Variants in TNIK observed in about 807,000 individuals in gnomAD.
The protein encoded by TNIK is TRAF2 and NCK interacting kinase.
In TNIK, 49 loss-of-function variants were observed where a neutral mutation model predicts 191.3. The observed-to-expected ratio is 0.26, with a 90% CI of 0.20 to 0.32. The LOEUF is 0.32. Ranked by LOEUF, TNIK falls within the 10% of genes least tolerant of loss-of-function variation. TNIK has a pLI of 1.00. For synonymous variants in TNIK, 594 were observed against 600.9 expected (o/e 0.99, Z 0.17); for missense variants, 1,155 against 1,702.3 (o/e 0.68, Z 5.66).
intron 3 of TNIK, 42 bp downstream of exon 3, chr3:171,228,123 G>A (rs377734150): frequency 1.7e-5 from 28 of 1,604,732 alleles, no homozygotes; most frequent in Non-Finnish European, 2.1e-5. Flanking sequence ...AAGTCAAGGA[G>A]CATCTGCATG....
intron 9 of TNIK, among the ~76,000 whole-genome samples, chr3:171,168,783 T>C (rs1362573482): frequency 6.6e-6 from 1 of 152,190 alleles, no homozygotes; most frequent in Admixed American, 6.5e-5. Context: ...TTCTTCCCAC[T>C]GAAAATCATC....
At chr3:171,310,238 G>A (rs547556064) in intron 2 of TNIK, among the ~76,000 whole-genome samples, 3 of 151,982 alleles carry the variant, frequency 2.0e-5, no homozygotes, top group Admixed American at 6.6e-5. Context: ...GGACTTGTCT[G>A]GACTGCATCT....
chr3:171,130,117 G>T (rs146226842), intron 15 of TNIK, among the ~76,000 whole-genome samples: 157 of 152,266 alleles, frequency 1.0e-3, no homozygotes, highest in African/African-American at 3.6e-3. Flanking sequence ...TTATGTAGCA[G>T]CTAAAAGTCT....
rs146762983 is a variant in TNIK at position 171,114,081 on chromosome 3, T to A, written c.2121-3204A>T. On this transcript the variant is annotated intron_variant, in intron 18 of 32. Transcript: ENST00000436636. ...AATTTATAACTCATAGGCTTTTTTT[T>A]ATTTTATTTTTCTGTTAGATTTACA... Among the ~76,000 whole-genome samples the A allele has an allele frequency of 3.5e-3, 533 of 152,206 alleles. 6 individuals are homozygous for A. The highest frequency in any genetic ancestry group is 0.01 in the African/African-American group (424 of 41,546).
chr3:171,103,522 TTTG>T (rs1037593639), intron 21 of TNIK, among the ~76,000 whole-genome samples: 2 of 152,104 alleles, frequency 1.3e-5, no homozygotes, highest in Admixed American at 1.3e-4. Flanking sequence ...AGTCTAGATA[TTTG>T]TTAAGGCTAT....
At chr3:171,443,586 C>A (rs1434585526) in intron 1 of TNIK, among the ~76,000 whole-genome samples, 1 of 151,982 alleles carries the variant, frequency 6.6e-6, no homozygotes, top group African/African-American at 2.4e-5. Flanking sequence ...GTAATCCCAG[C>A]ACTTTTGGGA....
chr3:171,345,445 T>TC (rs1712006701), intron 2 of TNIK, among the ~76,000 whole-genome samples: 1 of 152,164 alleles, frequency 6.6e-6, no homozygotes. Context: ...TTTTTTTTTT[T>TC]TCTTTACTTT....
intron 2 of TNIK, among the ~76,000 whole-genome samples, chr3:171,332,803 A>G (rs1011660440): frequency 3.3e-5 from 5 of 152,238 alleles, no homozygotes; most frequent in Admixed American, 6.5e-5. Context: ...CTGAAGTGTT[A>G]TATTTGGCCG....
At chr3:171,092,095 G>A (rs933801511) in intron 23 of TNIK, among the ~76,000 whole-genome samples, 5 of 151,698 alleles carry the variant, frequency 3.3e-5, no homozygotes, top group South Asian at 2.1e-4. Context: ...GACTACAGGC[G>A]CCCGCCACGA....
Position 171,230,531 on chromosome 3 carries a change from T to G in TNIK, c.124-2310A>C, listed in dbSNP as rs1414922165. Among the ~76,000 whole-genome samples, 3 of 152,282 alleles carry G rather than the reference T, an allele frequency of 2.0e-5. No individual in the cohort carries two copies. The East Asian group carries it at 5.8e-4, about 29-fold the overall frequency. On this transcript the variant is annotated intron_variant, in intron 2 of 32. Transcript: ENST00000436636. The stretch of plus-strand genomic sequence containing the variant: ...TGACCCCCTTTCTGCCATACCACCT[T>G]GGTAGGCTCCCACTTGCTCTTACTC...
At chr3:171,176,416 T>C (rs1371129796) in intron 8 of TNIK, among the ~76,000 whole-genome samples, 1 of 152,188 alleles carries the variant, frequency 6.6e-6, no homozygotes, top group Non-Finnish European at 1.5e-5. Context: ...TCCTTTGAGA[T>C]GCAGACACCA....
At chr3:171,424,405 C>T (rs886962786) in intron 1 of TNIK, among the ~76,000 whole-genome samples, 1 of 152,150 alleles carries the variant, frequency 6.6e-6, no homozygotes, top group Admixed American at 6.5e-5. Context: ...CTAGTTCAAC[C>T]ATGGTGGAAG....
At chr3:171,195,997 G>A (rs1577089712) in intron 4 of TNIK, among the ~76,000 whole-genome samples, 1 of 152,212 alleles carries the variant, frequency 6.6e-6, no homozygotes, top group South Asian at 2.1e-4. Flanking sequence ...GCTGTAATGT[G>A]TAGAAACACT....
chr3:171,216,703 TG>T (rs1741494740), intron 3 of TNIK, among the ~76,000 whole-genome samples: 2 of 152,208 alleles, frequency 1.3e-5, no homozygotes, highest in Non-Finnish European at 2.9e-5. Context: ...GAATTAAACA[TG>T]TAAATCACCT....
chr3:171,079,715 A>C, intron 27 of TNIK, 63 bp from the exon 28 acceptor site: 1 of 1,492,584 alleles, frequency 6.7e-7, no homozygotes, highest in South Asian at 1.4e-5. Flanking sequence ...TTCCTTCCCC[A>C]CCTCCATTTA....
chr3:171,323,466 G>T (rs1002419688), intron 2 of TNIK, among the ~76,000 whole-genome samples: 3 of 152,144 alleles, frequency 2.0e-5, no homozygotes, highest in East Asian at 3.9e-4. Flanking sequence ...CGTTGCCCTA[G>T]AATCTAATTC....
chr3:171,300,936 A>G (rs914868125), intron 2 of TNIK, among the ~76,000 whole-genome samples: 3 of 152,212 alleles, frequency 2.0e-5, no homozygotes. Flanking sequence ...GCAACCATCA[A>G]AATAAAAATG....
chr3:171,454,349 G>A (rs765644813), intron 1 of TNIK, among the ~76,000 whole-genome samples: 36 of 152,238 alleles, frequency 2.4e-4, no homozygotes, highest in Middle Eastern at 3.4e-3. Flanking sequence ...AAGAAAGGCC[G>A]AACGGGCAAG....
At chr3:171,298,201 T>C (rs1752520413) in intron 2 of TNIK, among the ~76,000 whole-genome samples, 1 of 152,204 alleles carries the variant, frequency 6.6e-6, no homozygotes, top group African/African-American at 2.4e-5. Context: ...ATGGAGCAAC[T>C]GTAGTTTCTG....
Sources: allele counts gnomAD v4.1 joint callset (sites outside exome capture counted in the v4.1 genomes callset), GRCh38; gene constraint gnomAD v4.1.1; transcripts MANE v1.5; gene names NCBI Gene and HGNC (gene_info 2026-07-23, HGNC 2026-07-21).